Variants in CSNK1A1 observed in about 807,000 individuals in gnomAD.
CSNK1A1 encodes casein kinase 1 alpha 1, also known as casein kinase I isoform alpha.
Under a neutral mutation model 46.1 loss-of-function variants are expected in CSNK1A1, and 7 were observed. That is an observed-to-expected ratio of 0.15 (90% CI 0.09 to 0.29). CSNK1A1 has a LOEUF of 0.29. CSNK1A1 is among the 10% of genes least tolerant of loss of function. The probability of loss-of-function intolerance (pLI) is 1.00; values close to 1 mark genes in which losing one functional copy is unlikely to be tolerated. For missense variants in CSNK1A1, 96 were observed against 417.1 expected (o/e 0.23, Z 6.71); for synonymous variants, 137 against 141.5 (o/e 0.97, Z 0.23).
intron 9 of CSNK1A1, chr5:149,503,374 A>C (rs1760930735): frequency 2.0e-6 from 2 of 985,468 alleles, no homozygotes; most frequent in Non-Finnish European, 2.4e-6. Flanking sequence ...AGATGTTTTC[A>C]AGATGTCAAA....
Position 149,550,782 on chromosome 5 carries a change from G to A in CSNK1A1, c.123+60C>T, listed in dbSNP as rs1762633446. The A allele has an allele frequency of 6.2e-7, 1 of 1,609,914 alleles. No individual in the cohort carries two copies. The highest frequency in any genetic ancestry group is 1.3e-5 in the African/African-American group (1 of 74,866). ...CCCGAGCACTTTGGGGGTGCACGGT[G>A]GTGGTGGGGGGAATGAGTAAAAGCG... is the stretch of plus-strand genomic sequence containing the variant. On this transcript the variant is annotated intron_variant, in intron 1 of 9. Coordinates refer to ENST00000377843, the MANE Select transcript of CSNK1A1 (RefSeq NM_001892.6). This position sits in a 1 kb window ranked among gnomAD's most constrained non-coding sequence, Gnocchi z 4.3.
Position 149,517,776 on chromosome 5 carries a change from T to G in CSNK1A1, c.456+2514A>C. On this transcript the variant is annotated intron_variant, in intron 4 of 9. Coordinates refer to ENST00000377843, the MANE Select transcript of CSNK1A1 (RefSeq NM_001892.6). This position sits in a 1 kb window ranked among gnomAD's most constrained non-coding sequence, Gnocchi z 4.4. ...CATGAATTTGGGATTGAGGTTGGAA[T>G]AGGAGACAGTTTCAGACCTGGTTTA... The G allele has an allele frequency of 1.3e-6, 2 of 1,506,410 alleles. No individual in the cohort carries two copies. Among genetic ancestry groups the G allele is most frequent in the Non-Finnish European group, 1.8e-6 (2 of 1,089,496 alleles). 93.3% of individuals were successfully genotyped at this position (1,506,410 alleles called of 1,614,324 possible). A position where few individuals can be genotyped will look rare whatever the true frequency, so the allele number is the denominator to read the frequency against.
Position 149,507,023 on chromosome 5 carries a change from T to C in CSNK1A1, c.857+4A>G, listed in dbSNP as rs1178305503. On this transcript the variant is annotated splice_donor_region_variant and intron_variant, in intron 8 of 9. Coordinates refer to ENST00000377843, the MANE Select transcript of CSNK1A1 (RefSeq NM_001892.6). ...TATAATCTTAAAATACCTTAAAAAC[T>C]GACCTGAAAAGAATGCGGAATAGCT... 6.2e-7 allele frequency: 1 copy of C among 1,606,960 alleles called. No homozygotes were observed. Among genetic ancestry groups the C allele is most frequent in the South Asian group, 1.1e-5 (1 of 89,364 alleles).
chr5:149,500,331 G>A (rs1282524363), intron 9 of CSNK1A1, among the ~76,000 whole-genome samples: 2 of 151,988 alleles, frequency 1.3e-5, no homozygotes, highest in African/African-American at 4.8e-5. Flanking sequence ...TACAGACGGG[G>A]TTTCACCATG....
At position 149,493,142 on chromosome 5, in the gene CSNK1A1, C is replaced by T. The variant is rs1442123653; in HGVS notation, c.*3711G>A. The T allele has an allele frequency of 6.6e-6, 1 of 152,302 alleles. No homozygotes were observed. The highest frequency in any genetic ancestry group is 1.9e-4 in the East Asian group (1 of 5,194). The allele number at this position is 152,302 out of a possible 1,614,324, so 9.4% of individuals were successfully genotyped here. ...CTGGAGTGCAGTGGCACGATCTCAGCTCACTGCAACCTCCATCTCCCGGGT... is the reference window on the plus strand; with the variant it reads ...CTGGAGTGCAGTGGCACGATCTCAGTTCACTGCAACCTCCATCTCCCGGGT... On this transcript the variant is annotated 3_prime_UTR_variant, in exon 10 of 10. Coordinates refer to ENST00000377843, the MANE Select transcript of CSNK1A1 (RefSeq NM_001892.6).
intron 7 of CSNK1A1, among the ~76,000 whole-genome samples, chr5:149,507,565 G>A (rs1024755861): frequency 2.0e-5 from 3 of 151,796 alleles, no homozygotes; most frequent in South Asian, 2.1e-4. Flanking sequence ...GGCTTCAAGC[G>A]ATCCTCCAAC....
chr5:149,503,646 T>C (rs1760941527), intron 9 of CSNK1A1: 1 of 985,304 alleles, frequency 1.0e-6, no homozygotes, highest in Non-Finnish European at 1.2e-6. Context: ...TTAATTACAG[T>C]TCTTTCCCCC....
chr5:149,493,170 A>T lies in CSNK1A1; in HGVS notation c.*3683T>A, dbSNP rs1760568699. On this transcript the variant is annotated 3_prime_UTR_variant, in exon 10 of 10. Coordinates refer to ENST00000377843, the MANE Select transcript of CSNK1A1 (RefSeq NM_001892.6). ...ACTGCAACCTCCATCTCCCGGGTTC[A>T]AGCGATTCTTCTGCCTCAGCCTCTT... 2 of 152,264 alleles carry T rather than the reference A, an allele frequency of 1.3e-5. No individual in the cohort carries two copies. Among genetic ancestry groups the T allele is most frequent in the African/African-American group, 4.8e-5 (2 of 41,440 alleles). 9.4% of individuals were successfully genotyped at this position (152,264 alleles called of 1,614,324 possible).
Position 149,525,272 on chromosome 5 carries a change from T to C in CSNK1A1, c.231-101A>G, listed in dbSNP as rs1761691487. ...GTTTTCTTTCACTGACTAGGTATTA[T>C]ATAAGGCGAATGTTCCCCTACTCAG... On this transcript the variant is annotated intron_variant, in intron 2 of 9. Transcript: ENST00000377843. The surrounding 1 kb of genome is among the most constrained non-coding windows in gnomAD (Gnocchi z 4.2). 8.4e-7 allele frequency: 1 copy of C among 1,194,980 alleles called. No individual in the cohort carries two copies. The highest frequency in any genetic ancestry group is 1.1e-6 in the Non-Finnish European group (1 of 887,954). The allele number at this position is 1,194,980 out of a possible 1,614,324, so 74.0% of individuals were successfully genotyped here.
At chr5:149,514,221 T>G (rs376841694) in intron 4 of CSNK1A1, among the ~76,000 whole-genome samples, 8 of 152,308 alleles carry the variant, frequency 5.3e-5, no homozygotes, top group African/African-American at 1.9e-4. Context: ...AAATAACGTT[T>G]AGTGTTATCA....
At chr5:149,513,372 G>C (rs1403824944) in intron 4 of CSNK1A1, among the ~76,000 whole-genome samples, 163 bp from the exon 5 acceptor site, 2 of 151,564 alleles carry the variant, frequency 1.3e-5, no homozygotes, top group African/African-American at 4.9e-5. Context: ...CCCCCCATAA[G>C]CTTTTACTAG....
In CSNK1A1 at chr5:149,517,960, A is replaced by T; in HGVS notation, c.456+2330T>A. ...TGGCCGGCGCAGACAGGCAACACCG[A>T]GGCATTAGAGAAAGAACAGGGTAGC... On this transcript the variant is annotated intron_variant, in intron 4 of 9. Coordinates refer to ENST00000377843, the MANE Select transcript of CSNK1A1 (RefSeq NM_001892.6). The surrounding 1 kb of genome is among the most constrained non-coding windows in gnomAD (Gnocchi z 4.4). 1 of 825,002 alleles carries T rather than the reference A, an allele frequency of 1.2e-6. No individual in the cohort carries two copies. Among genetic ancestry groups the T allele is most frequent in the Non-Finnish European group, 2.0e-6 (1 of 491,354 alleles). 51.1% of individuals were successfully genotyped at this position (825,002 alleles called of 1,614,324 possible).
intron 9 of CSNK1A1, chr5:149,503,232 GA>G: frequency 2.0e-6 from 2 of 985,464 alleles, no homozygotes; most frequent in Non-Finnish European, 2.4e-6. Flanking sequence ...GCTGGGGGTA[GA>G]AGTTAGGGGA....
intron 8 of CSNK1A1, among the ~76,000 whole-genome samples, chr5:149,506,407 T>C (rs556845750): frequency 9.9e-5 from 15 of 152,006 alleles, no homozygotes; most frequent in South Asian, 4.2e-4. Context: ...CGGCTAATTT[T>C]TGTATTTTTA....
intron 9 of CSNK1A1, chr5:149,497,262 T>G (rs1431698616): frequency 1.0e-6 from 1 of 995,264 alleles, no homozygotes; most frequent in African/African-American, 1.7e-5. Flanking sequence ...TAGGCACAAA[T>G]TATTTCTGAC....
At chr5:149,530,856 C>T (rs1181546980) in intron 2 of CSNK1A1, among the ~76,000 whole-genome samples, 3 of 150,576 alleles carry the variant, frequency 2.0e-5, no homozygotes, top group Admixed American at 1.3e-4. Context: ...GTCCCACCTA[C>T]TCAGGAGGCT....
chr5:149,505,407 A>G (rs1211547884), intron 9 of CSNK1A1, 40 bp downstream of exon 9: 2 of 1,585,586 alleles, frequency 1.3e-6, no homozygotes, highest in South Asian at 2.3e-5. Context: ...TTTGTATTCA[A>G]TTTTTTCCCT....
chr5:149,545,362 C>G, intron 2 of CSNK1A1: 1 of 426,252 alleles, frequency 2.3e-6, no homozygotes, highest in Non-Finnish European at 4.3e-6. Context: ...CTTCTGTCCT[C>G]ACGTTGGCAG....
intron 2 of CSNK1A1, among the ~76,000 whole-genome samples, chr5:149,534,467 A>G: frequency 8.1e-6 from 1 of 123,508 alleles, no homozygotes; most frequent in Admixed American, 9.7e-5. Context: ...CTGGCGACAG[A>G]GCGAGACTCT....
Sources: allele counts gnomAD v4.1 joint callset (sites outside exome capture counted in the v4.1 genomes callset), GRCh38; gene constraint gnomAD v4.1.1; non-coding constraint Gnocchi (gnomAD v3.1); transcripts MANE v1.5; gene names NCBI Gene and HGNC (gene_info 2026-07-23, HGNC 2026-07-21).